Variants in ZMAT4 observed in about 807,000 individuals in gnomAD.
The protein encoded by ZMAT4 is zinc finger matrin-type 4, also known as zinc finger matrin-type protein 4.
A neutral mutation model predicts 28.7 loss-of-function variants in ZMAT4; 17 were observed. The observed-to-expected ratio is 0.59, with a 90% confidence interval of 0.41 to 0.89. The LOEUF is 0.89. Among genes scored for constraint, ZMAT4 ranks in the 40% least tolerant of loss-of-function variants. The pLI is 0.00. For missense variants in ZMAT4, 240 were observed against 283.8 expected, an observed-to-expected ratio of 0.85 and a Z score of 1.11; for synonymous variants, 117 against 109.2, an observed-to-expected ratio of 1.07 and a Z score of -0.44.
At chr8:40,864,155 T>C (rs1166606402) in intron 1 of ZMAT4, among the ~76,000 whole-genome samples, 1 of 152,184 alleles carries the variant, frequency 6.6e-6, no homozygotes, top group East Asian at 1.9e-4. Flanking sequence ...TGTTCCCGGG[T>C]TCAGGAAATC....
At chr8:40,705,627 A>T (rs1810318983) in intron 3 of ZMAT4, among the ~76,000 whole-genome samples, 1 of 152,230 alleles carries the variant, frequency 6.6e-6, no homozygotes. Flanking sequence ...TTTAATTGAC[A>T]GATAAAATTC....
At chr8:40,567,121 A>T (rs1803948746) in intron 6 of ZMAT4, among the ~76,000 whole-genome samples, 1 of 152,156 alleles carries the variant, frequency 6.6e-6, no homozygotes, top group African/African-American at 2.4e-5. Flanking sequence ...TGGAGAGTAC[A>T]ATAGCACCAG....
chr8:40,586,390 G>A (rs1180758611), intron 5 of ZMAT4, among the ~76,000 whole-genome samples: 2 of 152,130 alleles, frequency 1.3e-5, no homozygotes, highest in African/African-American at 4.8e-5. Context: ...GAAAAACATA[G>A]TTCCTACCTG....
intron 3 of ZMAT4, among the ~76,000 whole-genome samples, chr8:40,712,796 A>C (rs1202860952): frequency 2.0e-5 from 3 of 152,216 alleles, no homozygotes; most frequent in Non-Finnish European, 2.9e-5. Flanking sequence ...GAACTTCCAG[A>C]AATTGGGCAT....
At chr8:40,766,706 C>T (rs1813173689) in intron 3 of ZMAT4, among the ~76,000 whole-genome samples, 1 of 152,232 alleles carries the variant, frequency 6.6e-6, no homozygotes, top group African/African-American at 2.4e-5. Context: ...AGCCTTGATG[C>T]TCACAACCTC....
intron 1 of ZMAT4, among the ~76,000 whole-genome samples, chr8:40,857,182 A>C (rs1267643446): frequency 2.6e-5 from 4 of 152,050 alleles, no homozygotes; most frequent in Non-Finnish European, 5.9e-5. Context: ...AAAGTATATA[A>C]GACTGGGTTA....
chr8:40,632,925 T>C lies in ZMAT4; in HGVS notation c.577+41779A>G, dbSNP rs551608059. On this transcript the variant is annotated intron_variant, in intron 5 of 6. Coordinates refer to ENST00000297737, the MANE Select transcript of ZMAT4 (RefSeq NM_024645.3). ...GGGTTAGATTTCATTTTAATTTCAG[T>C]TAAAGGAGAGGAAGATTACTACTTA... Among the ~76,000 whole-genome samples, 4 of 152,242 alleles carry C rather than the reference T, an allele frequency of 2.6e-5. No individual in the cohort carries two copies. In the East Asian group the frequency reaches 7.8e-4, roughly 30 times the overall value.
intron 6 of ZMAT4, among the ~76,000 whole-genome samples, chr8:40,566,449 C>A (rs1409978719): frequency 6.6e-6 from 1 of 152,042 alleles, no homozygotes; most frequent in East Asian, 1.9e-4. Flanking sequence ...AGGGGTGCAG[C>A]AGAGGGTGGT....
intron 1 of ZMAT4, among the ~76,000 whole-genome samples, chr8:40,861,176 G>C (rs1030052131): frequency 1.3e-5 from 2 of 152,224 alleles, no homozygotes; most frequent in African/African-American, 2.4e-5. Flanking sequence ...TTGTTTAGCA[G>C]CACTTGGTCC....
At chr8:40,890,821 G>C (rs75595178) in intron 1 of ZMAT4, among the ~76,000 whole-genome samples, 2 of 151,662 alleles carry the variant, frequency 1.3e-5, no homozygotes, top group South Asian at 4.2e-4. Flanking sequence ...CCAATCATGC[G>C]CTGGATGGAG....
At chr8:40,886,833 T>C (rs1333649732) in intron 1 of ZMAT4, among the ~76,000 whole-genome samples, 1 of 152,070 alleles carries the variant, frequency 6.6e-6, no homozygotes, top group Non-Finnish European at 1.5e-5. Context: ...GCTACATGAA[T>C]GGTAACTGCT....
At chr8:40,823,868 C>T (rs1230132933) in intron 2 of ZMAT4, among the ~76,000 whole-genome samples, 1 of 152,088 alleles carries the variant, frequency 6.6e-6, no homozygotes, top group South Asian at 2.1e-4. Flanking sequence ...TTCACAGGTG[C>T]TGATTTTAAA....
intron 1 of ZMAT4, among the ~76,000 whole-genome samples, chr8:40,841,914 C>G (rs1036527260): frequency 6.6e-6 from 1 of 152,184 alleles, no homozygotes; most frequent in African/African-American, 2.4e-5. Flanking sequence ...TCTGCACTCT[C>G]CTGGGGCAGA....
At chr8:40,852,413 C>T (rs1167113823) in intron 1 of ZMAT4, among the ~76,000 whole-genome samples, 2 of 152,124 alleles carry the variant, frequency 1.3e-5, no homozygotes, top group Admixed American at 1.3e-4. Context: ...CCTTGTATGT[C>T]TGCCTTATTA....
intron 3 of ZMAT4, among the ~76,000 whole-genome samples, chr8:40,763,221 T>G (rs752868958): frequency 6.6e-6 from 1 of 152,222 alleles, no homozygotes; most frequent in African/African-American, 2.4e-5. Flanking sequence ...AAGGTGTCCA[T>G]GTCCCCCAGC....
intron 1 of ZMAT4, among the ~76,000 whole-genome samples, chr8:40,858,277 G>A (rs72641596): frequency 0.067 from 10,167 of 152,188 alleles, 508 homozygotes; most frequent in Admixed American, 0.11. Flanking sequence ...GGGGTGAGGC[G>A]GTGCTCATTT....
chr8:40,707,096 C>T (rs1810389975), intron 3 of ZMAT4, among the ~76,000 whole-genome samples: 1 of 152,020 alleles, frequency 6.6e-6, no homozygotes, highest in Non-Finnish European at 1.5e-5. Flanking sequence ...TAGAAATGCC[C>T]CGTCTCTCTA....
At chr8:40,765,670 C>T (rs1398933155) in intron 3 of ZMAT4, among the ~76,000 whole-genome samples, 1 of 152,190 alleles carries the variant, frequency 6.6e-6, no homozygotes, top group African/African-American at 2.4e-5. Context: ...CGGTTATTGG[C>T]AGCACCGGAG....
At chr8:40,598,706 A>ATTTAG (rs1452465311) in intron 5 of ZMAT4, among the ~76,000 whole-genome samples, 1 of 152,226 alleles carries the variant, frequency 6.6e-6, no homozygotes, top group Non-Finnish European at 1.5e-5. Context: ...AAAGGGTATA[A>ATTTAG]TGAATTTATT....
Sources: gnomAD v4.1 joint callset for allele counts (sites outside exome capture counted in the v4.1 genomes callset) on GRCh38, gnomAD v4.1.1 for gene constraint, MANE v1.5 for transcripts, NCBI Gene and HGNC (gene_info 2026-07-23, HGNC 2026-07-21) for gene names.